The following ZFYVE9 variants were observed in gnomAD, a reference collection of about 807,000 sequenced individuals.
ZFYVE9 encodes zinc finger FYVE domain-containing protein 9.
In ZFYVE9, 43 loss-of-function variants were observed where a neutral mutation model predicts 126.7. That is an observed-to-expected ratio of 0.34 (90% confidence interval 0.27 to 0.44). ZFYVE9 has a LOEUF of 0.44. Ranked by LOEUF, ZFYVE9 falls within the 20% of genes least tolerant of loss-of-function variation. The pLI, the probability that ZFYVE9 is intolerant of heterozygous loss-of-function variation, is 1.00. For missense variants in ZFYVE9, 1,476 were observed against 1,697.0 expected, an observed-to-expected ratio of 0.87 and a Z score of 2.29; for synonymous variants, 521 against 597.4, an observed-to-expected ratio of 0.87 and a Z score of 1.87.
At chr1:52,158,483 A>G (rs1459436643) in intron 1 of ZFYVE9, among the ~76,000 whole-genome samples, 1 of 152,232 alleles carries the variant, frequency 6.6e-6, no homozygotes, top group African/African-American at 2.4e-5. Flanking sequence ...TCAGAGTTCA[A>G]AGGATTTGGA....
chr1:52,156,522 A>G (rs1032610961), intron 1 of ZFYVE9, among the ~76,000 whole-genome samples: 2 of 152,202 alleles, frequency 1.3e-5, no homozygotes, highest in African/African-American at 4.8e-5. Context: ...TCACTTGGCC[A>G]TTCTCTGTCT....
intron 17 of ZFYVE9, among the ~76,000 whole-genome samples, chr1:52,340,490 T>A (rs542675366): frequency 3.2e-4 from 48 of 152,348 alleles, no homozygotes; most frequent in African/African-American, 1.2e-3. Context: ...GAAGAGTAGA[T>A]CTCTGAGTGG....
intron 13 of ZFYVE9, among the ~76,000 whole-genome samples, chr1:52,314,677 G>A (rs766190285): frequency 3.9e-4 from 59 of 152,142 alleles, no homozygotes; most frequent in Non-Finnish European, 6.8e-4. Context: ...AAAATTAACC[G>A]GGTGTGGTGG....
At chr1:52,215,620 A>G (rs1466702598) in intron 1 of ZFYVE9, among the ~76,000 whole-genome samples, 1 of 152,204 alleles carries the variant, frequency 6.6e-6, no homozygotes. Flanking sequence ...TGATAATATA[A>G]TATTCATAGT....
chr1:52,184,115 C>T (rs1489548634), intron 1 of ZFYVE9, among the ~76,000 whole-genome samples: 2 of 150,324 alleles, frequency 1.3e-5, no homozygotes, highest in South Asian at 2.1e-4. Context: ...TGATATAGTT[C>T]ACCTTTTTAG....
At chr1:52,154,411 C>T (rs1390340396) in intron 1 of ZFYVE9, among the ~76,000 whole-genome samples, 1 of 152,226 alleles carries the variant, frequency 6.6e-6, no homozygotes, top group Non-Finnish European at 1.5e-5. Flanking sequence ...GTCTCCTTCT[C>T]TGCTTCCATC....
intron 4 of ZFYVE9, among the ~76,000 whole-genome samples, chr1:52,241,406 A>G (rs1316342791): frequency 6.6e-6 from 1 of 152,162 alleles, no homozygotes. Flanking sequence ...TGTTAGCTGA[A>G]GTACTATTTG....
At position 52,176,946 on chromosome 1, in the gene ZFYVE9, G is replaced by A. The variant is rs557586817; in HGVS notation, c.-143+34543G>A. Among the ~76,000 whole-genome samples the A allele has an allele frequency of 1.7e-4, 26 of 152,208 alleles. No individual in the cohort carries two copies. The East Asian group carries it at 4.5e-3, about 26-fold the overall frequency. The stretch of plus-strand genomic sequence containing the variant: ...AACTCCCTGACTCCTTGCGCTTCCC[G>A]AGTGAGGCAATGCCTTGCCCTGCTT... On this transcript the variant is annotated intron_variant, in intron 1 of 18. Transcript: ENST00000287727.
chr1:52,281,967 A>C, intron 10 of ZFYVE9, 151 bp downstream of exon 10: 1 of 835,858 alleles, frequency 1.2e-6, no homozygotes. Context: ...GGTTTGAAGA[A>C]ATTATAAATT....
intron 1 of ZFYVE9, among the ~76,000 whole-genome samples, chr1:52,177,031 T>A (rs1342409631): frequency 6.6e-6 from 1 of 152,014 alleles, no homozygotes; most frequent in African/African-American, 2.4e-5. Flanking sequence ...CACTCCCTAG[T>A]GAGATGAACC....
At chr1:52,149,850 C>T (rs1233536285) in intron 1 of ZFYVE9, among the ~76,000 whole-genome samples, 1 of 152,226 alleles carries the variant, frequency 6.6e-6, no homozygotes, top group East Asian at 1.9e-4. Context: ...CTTTTAGTTC[C>T]TTTGGATGAT....
rs186571609 is a variant in ZFYVE9 at position 52,220,141 on chromosome 1, T to C, written c.-37+3667T>C. On this transcript the variant is annotated intron_variant, in intron 2 of 18. Transcript: ENST00000287727. The stretch of plus-strand genomic sequence containing the variant: ...AGGCAATGGGAAGGCATTTTGTCCA[T>C]GGTAACTGGATTTCCAAGATTAATT... Among the ~76,000 whole-genome samples the C allele has an allele frequency of 4.4e-3, 669 of 152,312 alleles. 2 individuals carry two copies. The highest frequency in any genetic ancestry group is 0.01 in the Middle Eastern group (3 of 294).
chr1:52,238,033 G>T lies in ZFYVE9; in HGVS notation c.616G>T (p.Asp206Tyr), dbSNP rs563681333. Reference sequence around the variant, plus strand: ...TAGTATAAATGAGTCCACTGAAAAAGATATGAATTCAGAGAAACAAATGGA... The same window carrying T: ...TAGTATAAATGAGTCCACTGAAAAATATATGAATTCAGAGAAACAAATGGA... ...SFSINESTEKDMNSEKQMDPL... is the reference protein window; with the variant it reads ...SFSINESTEKYMNSEKQMDPL... Residue 206 changes from aspartate (D) to tyrosine (Y), a missense_variant, in exon 4 of 19, where the codon GAT becomes TAT. This residue lies in a region of ZFYVE9 where 807 missense variants were observed against 794.6 expected (regional missense o/e 1.02). Coordinates refer to ENST00000287727, the MANE Select transcript of ZFYVE9 (RefSeq NM_004799.4). 7 of 1,613,802 alleles carry T rather than the reference G, an allele frequency of 4.3e-6. No homozygotes were observed. Among genetic ancestry groups the T allele is most frequent in the Non-Finnish European group, 5.9e-6 (7 of 1,179,938 alleles).
At chr1:52,225,463 A>G (rs1645161721) in intron 2 of ZFYVE9, among the ~76,000 whole-genome samples, 1 of 152,240 alleles carries the variant, frequency 6.6e-6, no homozygotes, top group Non-Finnish European at 1.5e-5. Context: ...GGTGCTGCTT[A>G]TGCCTGTTAC....
At chr1:52,175,803 C>T (rs1572075054) in intron 1 of ZFYVE9, among the ~76,000 whole-genome samples, 1 of 152,222 alleles carries the variant, frequency 6.6e-6, no homozygotes, top group Admixed American at 6.5e-5. Flanking sequence ...GCATCGGCTC[C>T]TGAGGCTTCT....
intron 12 of ZFYVE9, among the ~76,000 whole-genome samples, chr1:52,298,497 T>C (rs1645999269): frequency 6.6e-6 from 1 of 152,166 alleles, no homozygotes; most frequent in African/African-American, 2.4e-5. Flanking sequence ...TTCTGTACTG[T>C]TGGAGTATGT....
At chr1:52,343,736 G>C (rs927994882) in intron 17 of ZFYVE9, among the ~76,000 whole-genome samples, 12 of 148,306 alleles carry the variant, frequency 8.1e-5, no homozygotes, top group African/African-American at 3.0e-4. Context: ...AGCCTGGGCG[G>C]TGGGCAACAG....
chr1:52,345,034 T>A, intron 18 of ZFYVE9, 90 bp downstream of exon 18: 1 of 1,421,744 alleles, frequency 7.0e-7, no homozygotes, highest in Non-Finnish European at 9.8e-7. Flanking sequence ...CCAGAGAGCT[T>A]AATTCTCCGA....
At chr1:52,216,241 CA>C (rs1645071404) in intron 1 of ZFYVE9, 127 bp from the exon 2 acceptor site, 1 of 395,326 alleles carries the variant, frequency 2.5e-6, no homozygotes, top group South Asian at 1.4e-4. Context: ...TCTTTGAATC[CA>C]AAGGTATAAT....
Sources: gnomAD v4.1 joint callset for allele counts (sites outside exome capture counted in the v4.1 genomes callset) on GRCh38, gnomAD v4.1.1 for gene constraint, gnomAD v4.1.1 regional missense constraint, MANE v1.5 for transcripts, NCBI Gene and HGNC (gene_info 2026-07-23, HGNC 2026-07-21) for gene names.